GAS7: variants seen among roughly 807,000 people sequenced by gnomAD.
GAS7 encodes growth arrest specific 7.
In GAS7, 28 loss-of-function variants were observed where a neutral mutation model predicts 71.1. That is an observed-to-expected ratio of 0.39 (90% confidence interval 0.29 to 0.54). The LOEUF (loss-of-function observed/expected upper bound fraction) is 0.54, where lower values mean the gene tolerates loss of function less well. GAS7 is among the 20% of genes least tolerant of loss of function. GAS7 has a pLI of 0.62. For synonymous variants in GAS7, 258 were observed against 245.8 expected, an observed-to-expected ratio of 1.05 and a Z score of -0.46; for missense variants, 436 against 627.8, an observed-to-expected ratio of 0.69 and a Z score of 3.27.
At position 9,913,963 on chromosome 17, in the gene GAS7, C is replaced by T. The variant is rs73974333; in HGVS notation, c.*3265G>A. 0.041 allele frequency: 9,523 copies of T among 232,038 alleles called. 337 individuals carry two copies. Among genetic ancestry groups the T allele is most frequent in the African/African-American group, 0.11 (5,109 of 45,322 alleles). The allele number at this position is 232,038 out of a possible 1,614,324, so 14.4% of individuals were successfully genotyped here. On this transcript the variant is annotated 3_prime_UTR_variant, in exon 14 of 14. Coordinates refer to ENST00000432992, the MANE Select transcript of GAS7 (RefSeq NM_201433.2). ...GACATTCTCAAGAATAGCCCAGACC[C>T]GCCCACTTTGAATAAACCCAGCTAA...
At chr17:10,148,126 G>T (rs1255928730) in intron 1 of GAS7, among the ~76,000 whole-genome samples, 1 of 152,128 alleles carries the variant, frequency 6.6e-6, no homozygotes, top group Non-Finnish European at 1.5e-5. Flanking sequence ...AGGCATTTTT[G>T]ATTTAGGAGC....
At chr17:9,966,481 C>T (rs2069720336) in intron 4 of GAS7, among the ~76,000 whole-genome samples, 2 of 152,086 alleles carry the variant, frequency 1.3e-5, no homozygotes, top group African/African-American at 4.8e-5. Context: ...TTCCTTTGCT[C>T]ATTTATTCAT....
At chr17:10,188,216 C>T (rs769693558) in intron 1 of GAS7, among the ~76,000 whole-genome samples, 2 of 152,012 alleles carry the variant, frequency 1.3e-5, no homozygotes, top group African/African-American at 2.4e-5. Context: ...GCACTCCAGC[C>T]TGGGTGACAG....
chr17:10,076,177 G>A (rs1226792376), intron 1 of GAS7, among the ~76,000 whole-genome samples: 4 of 113,754 alleles, frequency 3.5e-5, no homozygotes, highest in Non-Finnish European at 7.2e-5. Context: ...AAGGGAAAGG[G>A]AAAGGGAAGT....
At chr17:10,074,023 T>A (rs1299630027) in intron 1 of GAS7, among the ~76,000 whole-genome samples, 1 of 152,194 alleles carries the variant, frequency 6.6e-6, no homozygotes, top group Non-Finnish European at 1.5e-5. Context: ...TGCAGATGAA[T>A]GACCCCAGCC....
At chr17:10,105,264 C>G (rs886949404) in intron 1 of GAS7, among the ~76,000 whole-genome samples, 1 of 152,174 alleles carries the variant, frequency 6.6e-6, no homozygotes, top group Non-Finnish European at 1.5e-5. Context: ...CTTCTCTTGC[C>G]TTCCAGGTGT....
At chr17:10,186,438 T>C (rs1422279507) in intron 1 of GAS7, among the ~76,000 whole-genome samples, 1 of 148,398 alleles carries the variant, frequency 6.7e-6, no homozygotes, top group East Asian at 2.1e-4. Flanking sequence ...TCTCACTCTG[T>C]TGCCTAGGCT....
chr17:10,195,801 C>T (rs1329442250), intron 1 of GAS7, among the ~76,000 whole-genome samples: 2 of 152,132 alleles, frequency 1.3e-5, no homozygotes, highest in Non-Finnish European at 2.9e-5. Context: ...GCTTGCATGT[C>T]CTCTATCTCT....
intron 8 of GAS7, among the ~76,000 whole-genome samples, chr17:9,935,684 C>T (rs1049243433): frequency 3.9e-5 from 6 of 152,284 alleles, no homozygotes; most frequent in South Asian, 2.1e-4. Flanking sequence ...AGGCTCAGGC[C>T]GAGGTGGGTG....
intron 1 of GAS7, among the ~76,000 whole-genome samples, chr17:10,054,338 C>A (rs1337602394): frequency 6.6e-6 from 1 of 152,010 alleles, no homozygotes; most frequent in African/African-American, 2.4e-5. Flanking sequence ...GTGGAGACTG[C>A]GCAAATTGGA....
In GAS7 at chr17:9,997,446, C is replaced by A. The variant is rs76864716; in HGVS notation, c.305-15562G>T. Among the ~76,000 whole-genome samples, 523 of 152,266 alleles carry A rather than the reference C, an allele frequency of 3.4e-3. 4 individuals carry two copies. Among genetic ancestry groups the A allele is most frequent in the African/African-American group, 0.012 (504 of 41,538 alleles). On this transcript the variant is annotated intron_variant, in intron 2 of 13. Coordinates refer to ENST00000432992, the MANE Select transcript of GAS7 (RefSeq NM_201433.2). The stretch of plus-strand genomic sequence containing the variant: ...CATAAAAAATGACAACCATTTGCTA[C>A]ATCTGATAACATAGGAAAAACTAAA...
intron 1 of GAS7, among the ~76,000 whole-genome samples, chr17:10,076,749 C>T (rs967423045): frequency 5.3e-5 from 8 of 152,256 alleles, no homozygotes; most frequent in African/African-American, 1.9e-4. Flanking sequence ...TCAGAACGGA[C>T]GAGCTGAACT....
chr17:9,956,297 C>T (rs866774538), intron 5 of GAS7, among the ~76,000 whole-genome samples: 1 of 152,124 alleles, frequency 6.6e-6, no homozygotes, highest in African/African-American at 2.4e-5. Flanking sequence ...GGGAGAGGAA[C>T]AAGCCAGCCC....
intron 1 of GAS7, among the ~76,000 whole-genome samples, chr17:10,128,902 CG>C (rs999592901): frequency 6.6e-6 from 1 of 152,182 alleles, no homozygotes; most frequent in Non-Finnish European, 1.5e-5. Context: ...GGATTACAGG[CG>C]TGAGTCACTG....
At chr17:10,082,488 A>G (rs2073468483) in intron 1 of GAS7, among the ~76,000 whole-genome samples, 1 of 152,226 alleles carries the variant, frequency 6.6e-6, no homozygotes, top group African/African-American at 2.4e-5. Context: ...AATGGCTAAA[A>G]GAATTTTTGT....
At chr17:9,922,194 GAAGA>G (rs2067842811) in intron 11 of GAS7, among the ~76,000 whole-genome samples, 2 of 88,072 alleles carry the variant, frequency 2.3e-5, no homozygotes, top group Admixed American at 1.1e-4. Context: ...TGGTGGTGAT[GAAGA>G]TGATGATGAT....
intron 2 of GAS7, among the ~76,000 whole-genome samples, chr17:9,991,257 A>C (rs1303705386): frequency 2.0e-5 from 3 of 152,094 alleles, no homozygotes; most frequent in African/African-American, 4.8e-5. Context: ...CTAGGGGTGA[A>C]GGGGGGCTAG....
At chr17:10,197,431 A>T (rs1009825542) in intron 1 of GAS7, among the ~76,000 whole-genome samples, 1 of 152,134 alleles carries the variant, frequency 6.6e-6, no homozygotes, top group Admixed American at 6.5e-5. Context: ...GACTTTAGAA[A>T]CTTCGGGTCT....
intron 11 of GAS7, among the ~76,000 whole-genome samples, chr17:9,921,016 T>C (rs1228300782): frequency 6.6e-6 from 1 of 152,078 alleles, no homozygotes. Context: ...CAGACGCGAG[T>C]GTGCCTTGAA....
Sources: gnomAD v4.1 joint callset for allele counts (sites outside exome capture counted in the v4.1 genomes callset) on GRCh38, gnomAD v4.1.1 for gene constraint, MANE v1.5 for transcripts, NCBI Gene and HGNC (gene_info 2026-07-23, HGNC 2026-07-21) for gene names.